The following BMP5 variants were observed in gnomAD, a reference collection of about 807,000 sequenced individuals.
BMP5 encodes the protein bone morphogenetic protein 5.
Under a neutral mutation model 46.6 loss-of-function variants are expected in BMP5, and 23 were observed. The ratio of observed to expected loss-of-function variants is 0.49; its 90% CI spans 0.35 to 0.70. The LOEUF (loss-of-function observed/expected upper bound fraction) is 0.70. Ranked by LOEUF, BMP5 falls within the 30% of genes least tolerant of loss-of-function variation. BMP5 has a pLI of 0.00. For missense variants in BMP5, 545 were observed against 565.6 expected, an observed-to-expected ratio of 0.96 and a Z score of 0.37; for synonymous variants, 204 against 191.9, an observed-to-expected ratio of 1.06 and a Z score of -0.52.
chr6:55,872,831 T>C lies in BMP5; in HGVS notation c.490+1545A>G, dbSNP rs188060900. Among the ~76,000 whole-genome samples the C allele has an allele frequency of 7.2e-5, 11 of 151,958 alleles. No homozygotes were observed. The East Asian group carries it at 2.1e-3, about 29-fold the overall frequency. On this transcript the variant is annotated intron_variant, in intron 1 of 6. Coordinates refer to ENST00000370830, the MANE Select transcript of BMP5 (RefSeq NM_021073.4). ...TTTTCTATTAAAATATTTAAACTAC[T>C]TTAAATTCTTGAATAATACTTTAGA...
chr6:55,841,803 A>G (rs1776965840), intron 1 of BMP5, among the ~76,000 whole-genome samples: 1 of 152,108 alleles, frequency 6.6e-6, no homozygotes, highest in South Asian at 2.1e-4. Flanking sequence ...ACTTAATCTC[A>G]TTTTAAATGG....
chr6:55,861,430 A>T (rs1346196015), intron 1 of BMP5, among the ~76,000 whole-genome samples: 1 of 152,114 alleles, frequency 6.6e-6, no homozygotes, highest in East Asian at 1.9e-4. Context: ...TTGATATTTT[A>T]CCTCTTTTCT....
At chr6:55,866,307 C>T (rs188598487) in intron 1 of BMP5, among the ~76,000 whole-genome samples, 1 of 152,264 alleles carries the variant, frequency 6.6e-6, no homozygotes, top group African/African-American at 2.4e-5. Flanking sequence ...AACTAAATAG[C>T]TGACATACCT....
At chr6:55,869,577 AGT>A (rs1399519437) in intron 1 of BMP5, among the ~76,000 whole-genome samples, 1 of 152,070 alleles carries the variant, frequency 6.6e-6, no homozygotes, top group African/African-American at 2.4e-5. Context: ...ATGTTTGATG[AGT>A]GTTATTTTTG....
intron 1 of BMP5, among the ~76,000 whole-genome samples, chr6:55,820,619 T>C (rs1177354735): frequency 2.0e-5 from 3 of 152,088 alleles, no homozygotes; most frequent in Non-Finnish European, 4.4e-5. Context: ...GGTCTCACTA[T>C]GTTACCTAGA....
chr6:55,795,859 A>G (rs1775699029), intron 2 of BMP5, among the ~76,000 whole-genome samples: 1 of 152,174 alleles, frequency 6.6e-6, no homozygotes, highest in South Asian at 2.1e-4. Context: ...TCAGTTTTAG[A>G]TACTGCAGAC....
At chr6:55,860,118 T>G (rs1369073391) in intron 1 of BMP5, among the ~76,000 whole-genome samples, 1 of 152,120 alleles carries the variant, frequency 6.6e-6, no homozygotes, top group East Asian at 1.9e-4. Context: ...CCAAAACAAT[T>G]TTAAAAATTA....
At chr6:55,770,785 A>C (rs1327596856) in intron 4 of BMP5, among the ~76,000 whole-genome samples, 1 of 151,906 alleles carries the variant, frequency 6.6e-6, no homozygotes, top group East Asian at 1.9e-4. Context: ...AACTGAACTT[A>C]TTTCAATATT....
At chr6:55,769,986 T>G (rs1562028946) in intron 4 of BMP5, among the ~76,000 whole-genome samples, 1 of 151,944 alleles carries the variant, frequency 6.6e-6, no homozygotes, top group African/African-American at 2.4e-5. Context: ...CAGGTTTTGT[T>G]CTTCCATTTG....
intron 2 of BMP5, 141 bp from the exon 3 acceptor site, chr6:55,794,568 T>A (rs1775660109): frequency 1.3e-6 from 1 of 797,512 alleles, no homozygotes; most frequent in Non-Finnish European, 2.1e-6. Flanking sequence ...GTGACTCAAG[T>A]GATGAGTAAT....
At chr6:55,853,038 G>C (rs981779986) in intron 1 of BMP5, among the ~76,000 whole-genome samples, 19 of 151,766 alleles carry the variant, frequency 1.3e-4, no homozygotes, top group Admixed American at 7.9e-4. Context: ...ACTGAGGCAG[G>C]AGAATCACTT....
chr6:55,771,529 A>C (rs1444350792), intron 4 of BMP5, among the ~76,000 whole-genome samples: 5 of 151,890 alleles, frequency 3.3e-5, no homozygotes, highest in African/African-American at 1.2e-4. Context: ...CAGCACGTTA[A>C]TTTACTCAAC....
intron 2 of BMP5, among the ~76,000 whole-genome samples, chr6:55,798,022 C>A (rs2127530485): frequency 6.6e-6 from 1 of 152,288 alleles, no homozygotes; most frequent in Admixed American, 6.5e-5. Flanking sequence ...AGGGTCGGTT[C>A]TTTCTGAAAC....
chr6:55,862,666 TA>T (rs1300796755), intron 1 of BMP5, among the ~76,000 whole-genome samples: 15 of 152,198 alleles, frequency 9.9e-5, no homozygotes, highest in Non-Finnish European at 1.8e-4. Context: ...GAGACACACT[TA>T]TATTTTGGAA....
intron 1 of BMP5, among the ~76,000 whole-genome samples, chr6:55,840,554 T>G (rs1385335203): frequency 1.3e-5 from 2 of 152,204 alleles, no homozygotes; most frequent in Admixed American, 1.3e-4. Context: ...ACATTTTTCT[T>G]CCAGCATTTC....
intron 6 of BMP5, among the ~76,000 whole-genome samples, chr6:55,756,579 C>T (rs3798846): frequency 0.19 from 29,379 of 151,828 alleles, 3,030 homozygotes; most frequent in African/African-American, 0.25. Flanking sequence ...TATGGGAAAT[C>T]CCACTGATGA....
chr6:55,831,375 C>T (rs368119891), intron 1 of BMP5, among the ~76,000 whole-genome samples: 25 of 151,772 alleles, frequency 1.6e-4, no homozygotes, highest in Admixed American at 2.6e-4. Flanking sequence ...GAGATATAAA[C>T]GTAAAAATTG....
At chr6:55,850,094 C>T (rs962903364) in intron 1 of BMP5, among the ~76,000 whole-genome samples, 3 of 152,092 alleles carry the variant, frequency 2.0e-5, no homozygotes, top group Admixed American at 1.3e-4. Flanking sequence ...ATCACCTTTC[C>T]TTGAAAAATC....
rs541719213 is a variant in BMP5, at chr6:55,765,142, A to G, written c.1028-4609T>C. On this transcript the variant is annotated intron_variant, in intron 4 of 6. Transcript: ENST00000370830. ...TGCATGGACTGTCAAAGTTCTGCAT[A>G]CTAGCTCCTGAAAAAAACAAATAAA... 3.9e-5 allele frequency among the ~76,000 whole-genome samples: 6 copies of G among 152,296 alleles called. No individual in the cohort carries two copies. In the South Asian group the frequency reaches 1.2e-3, roughly 32 times the overall value.
Sources: allele counts gnomAD v4.1 joint callset (sites outside exome capture counted in the v4.1 genomes callset), GRCh38; gene constraint gnomAD v4.1.1; transcripts MANE v1.5; gene names NCBI Gene and HGNC (gene_info 2026-07-23, HGNC 2026-07-21).